The following PCID2 variants were observed in gnomAD, a reference collection of about 807,000 sequenced individuals.
The protein encoded by PCID2 is PCI domain containing 2.
In PCID2, 41 loss-of-function variants were observed where a neutral mutation model predicts 61.3. That is an observed-to-expected ratio of 0.67 (90% confidence interval 0.52 to 0.87). The LOEUF (loss-of-function observed/expected upper bound fraction) is 0.87, where lower values mean the gene tolerates loss of function less well. Among genes scored for constraint, PCID2 ranks in the 40% least tolerant of loss-of-function variants. The pLI is 0.00. For missense variants in PCID2, 392 were observed against 493.4 expected, an observed-to-expected ratio of 0.79 and a Z score of 1.95; for synonymous variants, 187 against 177.8, an observed-to-expected ratio of 1.05 and a Z score of -0.41.
chr13:113,184,704 G>C (rs1435076485), intron 8 of PCID2, among the ~76,000 whole-genome samples: 3 of 152,292 alleles, frequency 2.0e-5, no homozygotes, highest in African/African-American at 7.2e-5. Context: ...CCCTGCAGGA[G>C]CCCATGCTGG....
intron 7 of PCID2, among the ~76,000 whole-genome samples, chr13:113,190,236 A>G (rs868859190): frequency 0.016 from 2,465 of 151,782 alleles, 67 homozygotes; most frequent in African/African-American, 0.055. Context: ...AAATTAAAAA[A>G]AAAAAAAAAA....
At chr13:113,180,266 A>C (rs747010094) in intron 10 of PCID2, 35 bp from the exon 11 acceptor site, 5 of 1,487,488 alleles carry the variant, frequency 3.4e-6, no homozygotes, top group Non-Finnish European at 3.7e-6. Context: ...AAATGCTTTC[A>C]TTTTTGACAA....
intron 6 of PCID2, among the ~76,000 whole-genome samples, chr13:113,191,951 T>G (rs2038654197): frequency 6.6e-6 from 1 of 152,180 alleles, no homozygotes; most frequent in Non-Finnish European, 1.5e-5. Flanking sequence ...TAAAATTAGT[T>G]TCCTTTAAAA....
intron 1 of PCID2, 158 bp from the exon 2 acceptor site, chr13:113,200,674 T>C (rs1394885557): frequency 2.0e-6 from 1 of 494,530 alleles, no homozygotes; most frequent in Non-Finnish European, 3.6e-6. Flanking sequence ...CACTACTCTC[T>C]GCAGTGGGTA....
the PCID2 span, chr13:113,171,551 G>T: frequency 1.2e-6 from 2 of 1,613,088 alleles, no homozygotes; most frequent in Admixed American, 3.3e-5. The surrounding 1 kb of genome is among the most constrained non-coding windows in gnomAD (Gnocchi z 5.1). Flanking sequence ...ATGTCCCCTT[G>T]AAAATCAGAC....
At chr13:113,207,339 G>A (rs1595299805) in intron 1 of PCID2, among the ~76,000 whole-genome samples, 1 of 152,300 alleles carries the variant, frequency 6.6e-6, no homozygotes, top group Non-Finnish European at 1.5e-5. Context: ...AAATAATTAG[G>A]TATGGGGGAA....
chr13:113,171,963 GA>G, the PCID2 span: 2 of 1,613,566 alleles, frequency 1.2e-6, no homozygotes, highest in Non-Finnish European at 1.7e-6. This position sits in a 1 kb window ranked among gnomAD's most constrained non-coding sequence, Gnocchi z 5.1. Context: ...TGGATGGATG[GA>G]AGTGTGGTCA....
intron 2 of PCID2, among the ~76,000 whole-genome samples, chr13:113,199,467 A>G (rs969890675): frequency 4.6e-5 from 7 of 152,238 alleles, no homozygotes; most frequent in African/African-American, 1.7e-4. Flanking sequence ...CAATGAGCCC[A>G]TGCTGATATG....
chr13:113,188,600 A>C (rs1662868953), intron 7 of PCID2: 1 of 152,256 alleles, frequency 6.6e-6, no homozygotes, highest in Non-Finnish European at 1.5e-5. Flanking sequence ...ACGCCGTAAA[A>C]GGACAAAAAG....
At chr13:113,167,198 T>C in the PCID2 span, among the ~76,000 whole-genome samples, 27 of 152,218 alleles carry the variant, frequency 1.8e-4, no homozygotes, top group Non-Finnish European at 3.1e-4. Context: ...GGCAGACTGA[T>C]GGCGCAAGTG....
the PCID2 span, chr13:113,171,534 G>A: frequency 1.2e-6 from 2 of 1,609,492 alleles, no homozygotes; most frequent in South Asian, 1.1e-5. This position sits in a 1 kb window ranked among gnomAD's most constrained non-coding sequence, Gnocchi z 5.1. Context: ...AAGCTCGTTT[G>A]AGCATTATGT....
Position 113,178,867 on chromosome 13 carries a change from G to A in PCID2, c.1110+99C>T, listed in dbSNP as rs903265612. ...TAGTTCTATCAAAAAAAAAGCAGAA[G>A]GCCTTTTAACAATTTTAACACCACC... On this transcript the variant is annotated intron_variant, in intron 13 of 13. Coordinates refer to ENST00000337344, the MANE Select transcript of PCID2 (RefSeq NM_001127202.4). 4.1e-6 allele frequency: 5 copies of A among 1,205,276 alleles called. No individual in the cohort carries two copies. In the African/African-American group the frequency reaches 6.1e-5, roughly 15 times the overall value. 74.7% of individuals were successfully genotyped at this position (1,205,276 alleles called of 1,614,324 possible).
chr13:113,197,968 A>G (rs545026), intron 3 of PCID2, among the ~76,000 whole-genome samples: 134,073 of 152,264 alleles, frequency 0.88, 60,786 homozygotes, highest in Non-Finnish European at 1. Context: ...AAAGACCACT[A>G]AGCAGGCACT....
At chr13:113,171,251 C>T in the PCID2 span, among the ~76,000 whole-genome samples, 1 of 152,174 alleles carries the variant, frequency 6.6e-6, no homozygotes, top group Non-Finnish European at 1.5e-5. The surrounding 1 kb of genome is among the most constrained non-coding windows in gnomAD (Gnocchi z 5.1). Flanking sequence ...AACAAAATAA[C>T]GTGAAAACCA....
At chr13:113,180,417 A>G in intron 10 of PCID2, among the ~76,000 whole-genome samples, 186 bp from the exon 11 acceptor site, 1 of 152,278 alleles carries the variant, frequency 6.6e-6, no homozygotes, top group East Asian at 1.9e-4. Context: ...ACACCTGGGT[A>G]CAACACACTT....
At chr13:113,176,299 C>A (rs1214507307), downstream of PCID2, among the ~76,000 whole-genome samples, 3 of 152,242 alleles carry the variant, frequency 2.0e-5, no homozygotes, top group East Asian at 5.8e-4. Flanking sequence ...GGGAAATGTG[C>A]ATAGTCTGAA....
At chr13:113,200,759 T>C in intron 1 of PCID2, 1 of 331,974 alleles carries the variant, frequency 3.0e-6, no homozygotes, top group Admixed American at 4.7e-5. Flanking sequence ...GACTGCGGAC[T>C]GCAGTGGCGC....
chr13:113,169,188 G>T, the PCID2 span, among the ~76,000 whole-genome samples: 11 of 152,176 alleles, frequency 7.2e-5, no homozygotes, highest in Admixed American at 7.2e-4. Context: ...GATAGTTTCT[G>T]TTGTGATGCC....
intron 7 of PCID2, among the ~76,000 whole-genome samples, chr13:113,190,105 T>G (rs2038480133): frequency 6.6e-6 from 1 of 150,970 alleles, no homozygotes; most frequent in South Asian, 2.1e-4. Context: ...ACACATGCAG[T>G]TGAAATCCCA....
Sources: gnomAD v4.1 joint callset for allele counts (sites outside exome capture counted in the v4.1 genomes callset) on GRCh38, gnomAD v4.1.1 for gene constraint, Gnocchi (gnomAD v3.1) non-coding constraint, MANE v1.5 for transcripts, NCBI Gene and HGNC (gene_info 2026-07-23, HGNC 2026-07-21) for gene names.